Variants in KCNN2 observed in about 807,000 individuals in gnomAD.
The protein encoded by KCNN2 is small conductance calcium-activated potassium channel protein 2.
KCNN2 carries 24 observed loss-of-function variants against 55.5 expected under a neutral mutation model. The observed-to-expected ratio is 0.43, with a 90% CI of 0.31 to 0.61. KCNN2 has a LOEUF of 0.61. Among genes scored for constraint, KCNN2 ranks in the 20% least tolerant of loss-of-function variants. The pLI is 0.08. For synonymous variants in KCNN2, 431 were observed against 336.1 expected (o/e 1.28, Z -3.09); for missense variants, 754 against 853.6 (o/e 0.88, Z 1.45).
At chr5:114,189,131 ATAGTG>A (rs1753397099) in intron 1 of KCNN2, among the ~76,000 whole-genome samples, 1 of 92,034 alleles carries the variant, frequency 1.1e-5, no homozygotes, top group Non-Finnish European at 2.2e-5. Context: ...AATAGAACCA[ATAGTG>A]TGTGTGTGTG....
At chr5:114,303,083 G>A (rs752573180) in intron 2 of KCNN2, among the ~76,000 whole-genome samples, 1 of 152,206 alleles carries the variant, frequency 6.6e-6, no homozygotes, top group Admixed American at 6.5e-5. Context: ...TGGCATTCTG[G>A]CCATTGAGCA....
chr5:114,458,714 A>G (rs1055794808), intron 3 of KCNN2, among the ~76,000 whole-genome samples: 3 of 152,218 alleles, frequency 2.0e-5, no homozygotes. Context: ...AAATGGTGCT[A>G]GAGATATCTA....
At chr5:114,382,500 A>G (rs908247118) in intron 2 of KCNN2, among the ~76,000 whole-genome samples, 2 of 152,166 alleles carry the variant, frequency 1.3e-5, no homozygotes, top group African/African-American at 2.4e-5. Flanking sequence ...TTACTCATAT[A>G]TTGGCATTTA....
intron 2 of KCNN2, among the ~76,000 whole-genome samples, chr5:114,322,613 T>C (rs1391181817): frequency 7.8e-6 from 1 of 128,480 alleles, no homozygotes; most frequent in Non-Finnish European, 1.8e-5. Context: ...ACATACACAC[T>C]TGATTCCAGG....
chr5:114,195,092 G>T (rs1753526087), intron 1 of KCNN2, among the ~76,000 whole-genome samples: 1 of 151,740 alleles, frequency 6.6e-6, no homozygotes, highest in South Asian at 2.1e-4. Flanking sequence ...AATTACTGTA[G>T]CTGAGTAGTA....
At chr5:114,213,411 T>C (rs1753930026) in intron 1 of KCNN2, among the ~76,000 whole-genome samples, 1 of 151,712 alleles carries the variant, frequency 6.6e-6, no homozygotes, top group Admixed American at 6.6e-5. Context: ...TTTTTTTTTC[T>C]GTTTCAGTTT....
chr5:114,098,870 T>C (rs1751317185), intron 1 of KCNN2, among the ~76,000 whole-genome samples: 1 of 152,066 alleles, frequency 6.6e-6, no homozygotes, highest in Non-Finnish European at 1.5e-5. Flanking sequence ...CAGGGGTGAA[T>C]CTAGGGCTTT....
intron 2 of KCNN2, among the ~76,000 whole-genome samples, chr5:114,273,265 C>G (rs1755404537): frequency 6.6e-6 from 1 of 152,182 alleles, no homozygotes; most frequent in Non-Finnish European, 1.5e-5. Context: ...TTTCCTTAAT[C>G]CAGTCTATCA....
intron 2 of KCNN2, among the ~76,000 whole-genome samples, chr5:114,232,635 CT>C (rs150185829): frequency 0.052 from 7,884 of 150,984 alleles, 1,171 homozygotes; most frequent in African/African-American, 0.18. Flanking sequence ...TTGATGATCT[CT>C]TTTTTTAAAC....
At chr5:114,262,329 G>T (rs1205780316) in intron 2 of KCNN2, among the ~76,000 whole-genome samples, 3 of 152,166 alleles carry the variant, frequency 2.0e-5, no homozygotes, top group South Asian at 2.1e-4. Flanking sequence ...TGAAAAGAAA[G>T]AATTCTATCT....
chr5:114,267,998 C>T (rs376353338), intron 2 of KCNN2, among the ~76,000 whole-genome samples: 5 of 152,228 alleles, frequency 3.3e-5, no homozygotes, highest in African/African-American at 1.2e-4. Context: ...CCTCCCTGGC[C>T]GTGCCAAAAC....
rs141415046 is a variant in KCNN2 at position 114,474,742 on chromosome 5, A to G, written c.1890+1578A>G. ...CAAGTTTTATAATATTCAAAAGAACACTTGCATTAAGACCCTTGTAATCCA... is the reference window on the plus strand; with the variant it reads ...CAAGTTTTATAATATTCAAAAGAACGCTTGCATTAAGACCCTTGTAATCCA... On this transcript the variant is annotated intron_variant, in intron 5 of 7. Transcript: ENST00000673685. Among the ~76,000 whole-genome samples the G allele has an allele frequency of 4.0e-3, 614 of 152,330 alleles. 5 individuals are homozygous for G. Among genetic ancestry groups the G allele is most frequent in the African/African-American group, 0.014 (584 of 41,570 alleles).
intron 3 of KCNN2, among the ~76,000 whole-genome samples, chr5:114,427,170 C>T (rs566671463): frequency 1.3e-5 from 2 of 152,320 alleles, no homozygotes; most frequent in African/African-American, 4.8e-5. Context: ...CAAGAGCAAA[C>T]TTGTCCTGGG....
intron 1 of KCNN2, among the ~76,000 whole-genome samples, chr5:114,146,792 A>G (rs188793969): frequency 2.0e-5 from 3 of 152,332 alleles, no homozygotes; most frequent in African/African-American, 7.2e-5. Flanking sequence ...ATTGTTCTGC[A>G]TCTGTAATGG....
At chr5:114,475,179 G>A (rs1294692885) in intron 5 of KCNN2, among the ~76,000 whole-genome samples, 1 of 152,046 alleles carries the variant, frequency 6.6e-6, no homozygotes, top group African/African-American at 2.4e-5. Flanking sequence ...GTTCACCGAG[G>A]TCAACCAGTT....
chr5:114,267,457 G>A (rs1324017112), intron 2 of KCNN2, among the ~76,000 whole-genome samples: 1 of 152,072 alleles, frequency 6.6e-6, no homozygotes, highest in African/African-American at 2.4e-5. Context: ...CAGTTTGAGG[G>A]TGGGCAATAT....
chr5:114,486,957 C>A, intron 5 of KCNN2, 93 bp from the exon 6 acceptor site: 8 of 1,444,300 alleles, frequency 5.5e-6, no homozygotes, highest in Non-Finnish European at 7.7e-6. Context: ...TACAGCTCAC[C>A]ATGATCCTTG....
intron 1 of KCNN2, among the ~76,000 whole-genome samples, chr5:114,133,757 T>C (rs901881071): frequency 2.6e-5 from 4 of 152,220 alleles, no homozygotes; most frequent in East Asian, 3.8e-4. Flanking sequence ...TGAAAACAAA[T>C]GTTAACACTA....
At chr5:114,451,853 C>T (rs576768840) in intron 3 of KCNN2, among the ~76,000 whole-genome samples, 29 of 150,746 alleles carry the variant, frequency 1.9e-4, no homozygotes, top group African/African-American at 4.2e-4. Flanking sequence ...GCCAAGATCA[C>T]GCCACTACAC....
Sources: allele counts gnomAD v4.1 joint callset (sites outside exome capture counted in the v4.1 genomes callset), GRCh38; gene constraint gnomAD v4.1.1; transcripts MANE v1.5; gene names NCBI Gene and HGNC (gene_info 2026-07-23, HGNC 2026-07-21).